LIPT1: variants seen among roughly 807,000 people sequenced by gnomAD.
LIPT1 encodes lipoyl amidotransferase LIPT1, mitochondrial.
In LIPT1, 22 loss-of-function variants were observed where a neutral mutation model predicts 25.1. The observed-to-expected ratio is 0.88, with a 90% CI of 0.63 to 1.25. The LOEUF (loss-of-function observed/expected upper bound fraction) is 1.25, where lower values mean the gene tolerates loss of function less well. LIPT1 is among the 50% of genes most tolerant of loss of function. The pLI is 0.00. For synonymous variants in LIPT1, 131 were observed against 150.8 expected (o/e 0.87, Z 0.96); for missense variants, 399 against 432.8 (o/e 0.92, Z 0.69).
rs1271986537 is a variant in LIPT1 at position 99,162,222 on chromosome 2, A to G, written c.265A>G (p.Met89Val). The G allele has an allele frequency of 1.9e-6, 3 of 1,613,924 alleles. No homozygotes were observed. Among genetic ancestry groups the G allele is most frequent in the Non-Finnish European group, 2.5e-6 (3 of 1,180,032 alleles). Residue 89 changes from methionine to valine, a missense_variant, in exon 2 of 2, where the codon ATG (methionine) becomes GTG (valine). Met to Val is a conservative substitution (Grantham distance 21). Coordinates refer to ENST00000651691, the MANE Select transcript of LIPT1 (RefSeq NM_145199.3). ...NPWQECNLNL[M>V]REEGIKLARR... ...TTGGCAGGAATGTAACCTGAATCTAATGAGAGAAGAAGGTATAAAACTGGC... is the reference window on the plus strand; with the variant it reads ...TTGGCAGGAATGTAACCTGAATCTAGTGAGAGAAGAAGGTATAAAACTGGC...
chr2:99,160,045 TACA>T (rs1253038977), intron 1 of LIPT1, among the ~76,000 whole-genome samples: 3 of 152,226 alleles, frequency 2.0e-5, no homozygotes, highest in Non-Finnish European at 2.9e-5. Flanking sequence ...GTTTATAAAC[TACA>T]ACAAGAGTGA....
chr2:99,158,247 A>G (rs1211701048), intron 1 of LIPT1, among the ~76,000 whole-genome samples: 1 of 152,168 alleles, frequency 6.6e-6, no homozygotes, highest in East Asian at 1.9e-4. Flanking sequence ...TCTCACCCTA[A>G]TTCAACCTAT....
intron 1 of LIPT1, among the ~76,000 whole-genome samples, chr2:99,157,221 T>C (rs1247615442): frequency 6.6e-6 from 1 of 152,168 alleles, no homozygotes; most frequent in East Asian, 1.9e-4. Context: ...TTTCACAAGA[T>C]CTTTGACAAT....
chr2:99,162,665 T>A lies in LIPT1; in HGVS notation c.708T>A (p.Ala236=), dbSNP rs2105201535. 6.2e-7 allele frequency: 1 copy of A among 1,614,156 alleles called. No homozygotes were observed. The highest frequency in any genetic ancestry group is 8.5e-7 in the Non-Finnish European group (1 of 1,179,998). ...TGAATGCTGTTGCTACAGAGTATGC[T>A]GCTTATCATCAAATTGATAATCACA... ...VLMNAVATEY[A]AYHQIDNHIH... Residue 236 remains alanine, a synonymous_variant, in exon 2 of 2, where the codon GCT becomes GCA. Transcript: ENST00000651691.
intron 1 of LIPT1, chr2:99,155,597 G>A: frequency 2.2e-6 from 1 of 450,920 alleles, no homozygotes; most frequent in Admixed American, 2.5e-5. Flanking sequence ...TAAAGGGTGA[G>A]AGTAGAAAGA....
chr2:99,160,978 T>G (rs969001168), intron 1 of LIPT1, among the ~76,000 whole-genome samples: 2 of 151,820 alleles, frequency 1.3e-5, no homozygotes, highest in Non-Finnish European at 2.9e-5. Flanking sequence ...AAAATAGATT[T>G]AATGGGCCAA....
At chr2:99,159,053 A>G (rs1280938658) in intron 1 of LIPT1, among the ~76,000 whole-genome samples, 1 of 151,886 alleles carries the variant, frequency 6.6e-6, no homozygotes, top group South Asian at 2.1e-4. Flanking sequence ...CTCAGCCTCC[A>G]GAGCTGCTGG....
chr2:99,156,809 A>T (rs1477262064), intron 1 of LIPT1: 1 of 152,244 alleles, frequency 6.6e-6, no homozygotes, highest in Admixed American at 6.5e-5. Context: ...ACAAGATCAC[A>T]TTTTTGACCA....
chr2:99,162,235 G>A lies in LIPT1; in HGVS notation c.278G>A (p.Gly93Asp). Residue 93 changes from glycine (G) to aspartate (D), a missense_variant, in exon 2 of 2, where the codon GGT (glycine) becomes GAT (aspartate). Gly to Asp is a moderately conservative substitution (Grantham distance 94, BLOSUM62 -1). Transcript: ENST00000651691. ...ECNLNLMREEGIKLARRRSGG... is the reference protein window; with the variant it reads ...ECNLNLMREEDIKLARRRSGG... ...AACCTGAATCTAATGAGAGAAGAAG[G>A]TATAAAACTGGCTCGGAGAAGAAGT... 1.2e-6 allele frequency: 2 copies of A among 1,613,806 alleles called. No individual in the cohort carries two copies. The highest frequency in any genetic ancestry group is 1.1e-5 in the South Asian group (1 of 91,086).
intron 1 of LIPT1, among the ~76,000 whole-genome samples, chr2:99,159,895 C>T (rs552514851): frequency 1.3e-5 from 2 of 152,300 alleles, no homozygotes; most frequent in East Asian, 3.9e-4. Context: ...GACTCTTTGT[C>T]TTTGCATATG....
intron 1 of LIPT1, chr2:99,156,812 T>A (rs2093759126): frequency 6.6e-6 from 1 of 152,234 alleles, no homozygotes; most frequent in Admixed American, 6.5e-5. Flanking sequence ...AGATCACATT[T>A]TTGACCAAAG....
chr2:99,155,588 A>G (rs752550759), intron 1 of LIPT1: 11 of 454,672 alleles, frequency 2.4e-5, no homozygotes, highest in Non-Finnish European at 4.9e-5. Flanking sequence ...ATTAGTCATT[A>G]AAGGGTGAGA....
At position 99,163,098 on chromosome 2, in the gene LIPT1, A is replaced by G; in HGVS notation, c.*19A>G. The G allele has an allele frequency of 6.8e-7, 1 of 1,464,698 alleles. No individual in the cohort carries two copies. The highest frequency in any genetic ancestry group is 1.5e-5 in the South Asian group (1 of 65,974). 90.7% of individuals were successfully genotyped at this position (1,464,698 alleles called of 1,614,324 possible). ...AATGTGATTCCAAGTAAATGTCTTA[A>G]TACAGTTTCAATTAGAAAATAAAAT... On this transcript the variant is annotated 3_prime_UTR_variant, in exon 2 of 2. Coordinates refer to ENST00000651691, the MANE Select transcript of LIPT1 (RefSeq NM_145199.3).
In LIPT1 at chr2:99,162,957, A is replaced by G; in HGVS notation, c.1000A>G (p.Ser334Gly). The change falls in exon 2 of 2, where the codon AGT becomes GGT. Residue 334 changes from serine (S) to glycine (G), a missense_variant. Coordinates refer to ENST00000651691, the MANE Select transcript of LIPT1 (RefSeq NM_145199.3). Reference protein sequence around the residue: ...RDKLNSSLIGSKFCPTETTML... With the variant: ...RDKLNSSLIGGKFCPTETTML... ...CAAATTAAATTCAAGTCTTATTGGC[A>G]GTAAGTTTTGCCCAACTGAAACTAC... 3 of 1,614,034 alleles carry G rather than the reference A, an allele frequency of 1.9e-6. No homozygotes were observed. The highest frequency in any genetic ancestry group is 2.5e-6 in the Non-Finnish European group (3 of 1,179,974).
intron 1 of LIPT1, among the ~76,000 whole-genome samples, chr2:99,157,325 C>G (rs142283834): frequency 1.6e-3 from 246 of 152,312 alleles, no homozygotes; most frequent in Non-Finnish European, 2.4e-3. Flanking sequence ...AACTCTGGAT[C>G]CCAGTACCAT....
chr2:99,157,599 T>C lies in LIPT1; in HGVS notation c.-2+2548T>C, dbSNP rs138246585. Among the ~76,000 whole-genome samples, 525 of 152,348 alleles carry C rather than the reference T, an allele frequency of 3.4e-3. 2 individuals are homozygous for C. Among genetic ancestry groups the C allele is most frequent in the Non-Finnish European group, 5.6e-3 (381 of 68,020 alleles). Reference sequence around the variant, plus strand: ...TTTAATAGATCCTTTTCAACCCTCATCTTATTTGCTCAATCTTTGGCATTT... The same window carrying C: ...TTTAATAGATCCTTTTCAACCCTCACCTTATTTGCTCAATCTTTGGCATTT... On this transcript the variant is annotated intron_variant, in intron 1 of 1. Transcript: ENST00000651691.
chr2:99,159,435 T>G (rs1273871466), intron 1 of LIPT1, among the ~76,000 whole-genome samples: 5 of 152,170 alleles, frequency 3.3e-5, no homozygotes, highest in Non-Finnish European at 5.9e-5. Flanking sequence ...CTTTAGGCCC[T>G]CATTATCTCT....
chr2:99,162,104 CTG>C lies in LIPT1; in HGVS notation c.148_149del (p.Trp50AspfsTer3), dbSNP rs2093798017. The C allele has an allele frequency of 1.9e-6, 3 of 1,613,946 alleles. No individual in the cohort carries two copies. The highest frequency in any genetic ancestry group is 2.7e-5 in the African/African-American group (2 of 74,890). ...TCTATCAAAATCTGGCTGTGGAAGA[CTG>C]GATCCATGACCATATGAATCTAGAA... is the stretch of plus-strand genomic sequence containing the variant. Reference protein sequence around the residue: ...DVYQNLAVEDWIHDHMNLEGK... With the variant: ...DVYQNLAVEDXIHDHMNLEGK... On this transcript the variant is annotated frameshift_variant, in exon 2 of 2. Coordinates refer to ENST00000651691, the MANE Select transcript of LIPT1 (RefSeq NM_145199.3). LOFTEE classifies it high-confidence loss of function.
At position 99,163,103 on chromosome 2, in the gene LIPT1, GT is replaced by G; in HGVS notation, c.*27del. The G allele has an allele frequency of 7.4e-7, 1 of 1,355,726 alleles. No homozygotes were observed. Among genetic ancestry groups the G allele is most frequent in the Non-Finnish European group, 9.7e-7 (1 of 1,031,218 alleles). 84.0% of individuals were successfully genotyped at this position (1,355,726 alleles called of 1,614,324 possible). A position where few individuals can be genotyped will look rare whatever the true frequency, so the allele number is the denominator to read the frequency against. On this transcript the variant is annotated 3_prime_UTR_variant, in exon 2 of 2. Transcript: ENST00000651691. The stretch of plus-strand genomic sequence containing the variant: ...GATTCCAAGTAAATGTCTTAATACA[GT>G]TTCAATTAGAAAATAAAATGTCTCA...
Sources: allele counts gnomAD v4.1 joint callset (sites outside exome capture counted in the v4.1 genomes callset), GRCh38; gene constraint gnomAD v4.1.1; transcripts MANE v1.5; gene names NCBI Gene and HGNC (gene_info 2026-07-23, HGNC 2026-07-21).